Variants in NMNAT3 observed in about 807,000 individuals in gnomAD.
NMNAT3 encodes the protein nicotinamide/nicotinic acid mononucleotide adenylyltransferase 3.
A neutral mutation model predicts 24.8 loss-of-function variants in NMNAT3; 21 were observed. The ratio of observed to expected loss-of-function variants is 0.85; its 90% CI spans 0.60 to 1.22. The LOEUF (loss-of-function observed/expected upper bound fraction) is 1.22, where lower values mean the gene tolerates loss of function less well. Among genes scored for constraint, NMNAT3 ranks in the 50% most tolerant of loss-of-function variants. The pLI, the probability that NMNAT3 is intolerant of heterozygous loss-of-function variation, is 0.00. For missense variants in NMNAT3, 387 were observed against 436.6 expected (o/e 0.89, Z 1.01); for synonymous variants, 136 against 155.2 (o/e 0.88, Z 0.92).
At chr3:139,624,738 C>T (rs893731296) in intron 3 of NMNAT3, among the ~76,000 whole-genome samples, 66 of 152,290 alleles carry the variant, frequency 4.3e-4, no homozygotes, top group Middle Eastern at 3.4e-3. Flanking sequence ...CATGAGCCAC[C>T]GCGCCATGCG....
intron 3 of NMNAT3, among the ~76,000 whole-genome samples, chr3:139,595,888 G>T (rs1158400634): frequency 2.6e-5 from 4 of 152,166 alleles, no homozygotes; most frequent in Non-Finnish European, 4.4e-5. Context: ...TACCATTCAG[G>T]ACATAGGCAT....
intron 3 of NMNAT3, chr3:139,584,419 T>G (rs1179136809): frequency 6.4e-6 from 1 of 156,044 alleles, no homozygotes; most frequent in Non-Finnish European, 1.5e-5. Flanking sequence ...GGGTGACAGA[T>G]GTCTCAGCCA....
rs1453743651 is a variant in NMNAT3 at position 139,615,730 on chromosome 3, G to A, written c.109+11886C>T. ...AAGTAGTTTCAGAATGCTAGCGTGT[G>A]TATCAGGAAAAAGAAATCTACTTAT... On this transcript the variant is annotated intron_variant, in intron 3 of 6. Transcript: ENST00000643695. Among the ~76,000 whole-genome samples the A allele has an allele frequency of 2.1e-3, 6 of 2,838 alleles. No individual in the cohort carries two copies. In the Non-Finnish European group the frequency reaches 0.038, roughly 18 times the overall value. 1.9% of individuals were successfully genotyped at this position (2,838 alleles called of 152,430 possible). A position where few individuals can be genotyped will look rare whatever the true frequency, so the allele number is the denominator to read the frequency against.
At chr3:139,596,956 A>C (rs867405482) in intron 3 of NMNAT3, among the ~76,000 whole-genome samples, 1 of 85,106 alleles carries the variant, frequency 1.2e-5, no homozygotes, top group Non-Finnish European at 2.5e-5. Context: ...ATATATATAT[A>C]TATATATATT....
intron 2 of NMNAT3, 44 bp from the exon 4 acceptor site, chr3:139,627,808 A>T (rs2056121855): frequency 1.5e-6 from 1 of 682,532 alleles, no homozygotes; most frequent in Admixed American, 2.7e-5. Context: ...TAGCACTGAG[A>T]CAATTATCCA....
chr3:139,569,171 C>A (rs1289973132), intron 6 of NMNAT3: 3 of 61,476 alleles, frequency 4.9e-5, no homozygotes, highest in Non-Finnish European at 7.8e-5. Context: ...CAACCCCTGC[C>A]TTTTTTTGTT....
chr3:139,631,824 C>G (rs1258864303), intron 2 of NMNAT3, among the ~76,000 whole-genome samples: 4 of 152,206 alleles, frequency 2.6e-5, no homozygotes, highest in Non-Finnish European at 5.9e-5. Context: ...ACTGCCCTCA[C>G]CACCATGCTA....
chr3:139,651,805 A>G (rs999630256), intron 1 of NMNAT3, among the ~76,000 whole-genome samples: 8 of 152,084 alleles, frequency 5.3e-5, no homozygotes, highest in African/African-American at 1.2e-4. Flanking sequence ...TTAATGGCCT[A>G]TTAAAGCTTC....
intron 5 of NMNAT3, among the ~76,000 whole-genome samples, chr3:139,575,283 C>T (rs969006456): frequency 1.3e-5 from 2 of 152,246 alleles, no homozygotes; most frequent in African/African-American, 4.8e-5. Context: ...TGGCTGGACT[C>T]AGTGTTTTCA....
chr3:139,653,911 T>C (rs1314706741), intron 1 of NMNAT3, among the ~76,000 whole-genome samples: 1 of 152,182 alleles, frequency 6.6e-6, no homozygotes, highest in Non-Finnish European at 1.5e-5. Context: ...CATCATTCCG[T>C]AGATCAGCAG....
At chr3:139,599,467 A>C (rs1427717911) in intron 3 of NMNAT3, 1 of 697,430 alleles carries the variant, frequency 1.4e-6, no homozygotes, top group African/African-American at 1.8e-5. Flanking sequence ...AAAGACAAAA[A>C]TCTAAGAGAT....
chr3:139,578,275 GA>G (rs374494314), intron 5 of NMNAT3, among the ~76,000 whole-genome samples: 2 of 152,058 alleles, frequency 1.3e-5, no homozygotes, highest in East Asian at 1.9e-4. Flanking sequence ...AATTCCAGAA[GA>G]AAAAATAATC....
chr3:139,562,288 T>C (rs982586292), intron 6 of NMNAT3, among the ~76,000 whole-genome samples: 2 of 152,218 alleles, frequency 1.3e-5, no homozygotes, highest in African/African-American at 2.4e-5. Context: ...GTTCTGCTGC[T>C]GCCTGCTGGT....
chr3:139,626,975 C>G (rs539316847), intron 3 of NMNAT3, among the ~76,000 whole-genome samples: 61 of 151,962 alleles, frequency 4.0e-4, no homozygotes, highest in Non-Finnish European at 7.9e-4. Flanking sequence ...TACTCGATAG[C>G]AACAGATACA....
intron 3 of NMNAT3, chr3:139,599,377 C>T: frequency 1.4e-6 from 1 of 702,464 alleles, no homozygotes; most frequent in Middle Eastern, 2.3e-4. Context: ...TGGCCCCTAC[C>T]ACCTCATGCA....
At chr3:139,651,313 A>AC (rs1553760562) in intron 1 of NMNAT3, among the ~76,000 whole-genome samples, 2 of 150,682 alleles carry the variant, frequency 1.3e-5, no homozygotes, top group African/African-American at 4.9e-5. Flanking sequence ...CCAAGTCTCC[A>AC]TTTTTTTTTG....
At chr3:139,610,023 T>C (rs2055133949) in intron 3 of NMNAT3, 1 of 152,030 alleles carries the variant, frequency 6.6e-6, no homozygotes, top group Non-Finnish European at 1.5e-5. Context: ...TTTTATTTGG[T>C]TGGGGGAAAA....
Position 139,560,865 on chromosome 3 carries a change from A to T in NMNAT3, c.*145T>A. 1.3e-6 allele frequency: 1 copy of T among 759,922 alleles called. No individual in the cohort carries two copies. Among genetic ancestry groups the T allele is most frequent in the East Asian group, 2.5e-5 (1 of 39,800 alleles). The allele number at this position is 759,922 out of a possible 1,614,324, so 47.1% of individuals were successfully genotyped here. On this transcript the variant is annotated 3_prime_UTR_variant, in exon 7 of 7. Transcript: ENST00000643695. ...TAAAGAAGGTATCTCTTCCTGGGAC[A>T]GAAGACTCCTCAGAAGTAGAATCAC... is the stretch of plus-strand genomic sequence containing the variant.
At chr3:139,607,347 A>G (rs2054992522) in intron 3 of NMNAT3, among the ~76,000 whole-genome samples, 1 of 152,196 alleles carries the variant, frequency 6.6e-6, no homozygotes, top group Non-Finnish European at 1.5e-5. Flanking sequence ...CTTCAACTTA[A>G]GAAACCTGGC....
Sources: gnomAD v4.1 joint callset for allele counts (sites outside exome capture counted in the v4.1 genomes callset) on GRCh38, gnomAD v4.1.1 for gene constraint, MANE v1.5 for transcripts, NCBI Gene and HGNC (gene_info 2026-07-23, HGNC 2026-07-21) for gene names.